OXR1: variants seen among roughly 807,000 people sequenced by gnomAD.
OXR1 encodes oxidation resistance 1.
In OXR1, 41 loss-of-function variants were observed where a neutral mutation model predicts 104.6. The ratio of observed to expected loss-of-function variants is 0.39; its 90% CI spans 0.31 to 0.51. OXR1 has a LOEUF of 0.51. OXR1 is among the 20% of genes least tolerant of loss of function. The probability of loss-of-function intolerance (pLI) is 0.77; values close to 1 mark genes in which losing one functional copy is unlikely to be tolerated. For synonymous variants in OXR1, 348 were observed against 348.4 expected, an observed-to-expected ratio of 1.00 and a Z score of 0.01; for missense variants, 955 against 1,031.9, an observed-to-expected ratio of 0.93 and a Z score of 1.02.
intron 2 of OXR1, among the ~76,000 whole-genome samples, chr8:106,458,246 A>G (rs1175323523): frequency 6.6e-6 from 1 of 152,132 alleles, no homozygotes; most frequent in African/African-American, 2.4e-5. Context: ...TAAAAGCTCA[A>G]TATTTGCTGC....
At chr8:106,284,813 A>T (rs999673206) in intron 1 of OXR1, among the ~76,000 whole-genome samples, 3 of 142,240 alleles carry the variant, frequency 2.1e-5, no homozygotes, top group African/African-American at 8.2e-5. Context: ...TCTTTTTTTA[A>T]AAAAAAAGGC....
chr8:106,728,783 A>C (rs1833590595), intron 11 of OXR1, among the ~76,000 whole-genome samples: 1 of 152,194 alleles, frequency 6.6e-6, no homozygotes, highest in Admixed American at 6.5e-5. Context: ...TGAAATTATA[A>C]GCCCATTTTA....
At chr8:106,339,281 G>T (rs1322583898) in intron 1 of OXR1, among the ~76,000 whole-genome samples, 2 of 151,056 alleles carry the variant, frequency 1.3e-5, no homozygotes, top group East Asian at 2.0e-4. Flanking sequence ...AGATCACAAG[G>T]TCAGGAGATA....
At chr8:106,327,691 T>C (rs1048703607) in intron 1 of OXR1, among the ~76,000 whole-genome samples, 2 of 152,222 alleles carry the variant, frequency 1.3e-5, no homozygotes, top group Non-Finnish European at 2.9e-5. Flanking sequence ...TGGCTTTCTT[T>C]ATAAAAGTTT....
chr8:106,400,616 G>A (rs1259658723), intron 2 of OXR1, among the ~76,000 whole-genome samples: 1 of 152,082 alleles, frequency 6.6e-6, no homozygotes, highest in East Asian at 1.9e-4. Flanking sequence ...TATAGCTAGA[G>A]TTGGCAGATT....
intron 11 of OXR1, among the ~76,000 whole-genome samples, chr8:106,737,081 C>G (rs1353438749): frequency 6.6e-6 from 1 of 152,078 alleles, no homozygotes; most frequent in Non-Finnish European, 1.5e-5. Flanking sequence ...AGAAGAAATT[C>G]TTCCAGCATG....
At chr8:106,613,971 A>G (rs577003013) in intron 3 of OXR1, among the ~76,000 whole-genome samples, 1 of 152,270 alleles carries the variant, frequency 6.6e-6, no homozygotes, top group African/African-American at 2.4e-5. Flanking sequence ...CTCGGGGTGA[A>G]AGTGTTCATT....
chr8:106,595,531 CAA>C (rs1430223424), intron 3 of OXR1, among the ~76,000 whole-genome samples: 1 of 91,948 alleles, frequency 1.1e-5, no homozygotes, highest in East Asian at 3.3e-4. Context: ...GCCTGGGCGA[CAA>C]GAGTGAAACT....
chr8:106,365,976 C>G (rs1284812016), intron 2 of OXR1, among the ~76,000 whole-genome samples: 1 of 152,192 alleles, frequency 6.6e-6, no homozygotes, highest in Non-Finnish European at 1.5e-5. Flanking sequence ...TCAAACCCCA[C>G]AGGGACTAAT....
chr8:106,346,783 T>C (rs1815501139), intron 1 of OXR1, among the ~76,000 whole-genome samples: 1 of 152,164 alleles, frequency 6.6e-6, no homozygotes, highest in South Asian at 2.1e-4. Context: ...CTCACGCTTG[T>C]AATCCCAGCA....
chr8:106,671,978 AAT>A (rs1827041525), intron 3 of OXR1, among the ~76,000 whole-genome samples: 1 of 142,436 alleles, frequency 7.0e-6, no homozygotes, highest in Non-Finnish European at 1.5e-5. Context: ...TAATAATAAT[AAT>A]AATAATAATA....
intron 1 of OXR1, among the ~76,000 whole-genome samples, chr8:106,297,295 C>A (rs1289654180): frequency 6.6e-6 from 1 of 151,090 alleles, no homozygotes; most frequent in Non-Finnish European, 1.5e-5. Flanking sequence ...ATTATTTTTT[C>A]TTGGATTAGA....
intron 1 of OXR1, among the ~76,000 whole-genome samples, chr8:106,353,666 G>T (rs1815834533): frequency 6.6e-6 from 1 of 151,750 alleles, no homozygotes; most frequent in African/African-American, 2.4e-5. Flanking sequence ...TTTGATGTAT[G>T]TATACATTGT....
chr8:106,533,655 C>T (rs1814253104), intron 3 of OXR1, among the ~76,000 whole-genome samples: 4 of 151,336 alleles, frequency 2.6e-5, no homozygotes, highest in Non-Finnish European at 5.9e-5. Flanking sequence ...ATAAATGGCT[C>T]AGGACTTGAA....
Position 106,697,953 on chromosome 8 carries a change from T to C in OXR1, c.676-4953T>C, listed in dbSNP as rs1443257193. On this transcript the variant is annotated intron_variant, in intron 7 of 16. Transcript: ENST00000517566. ...TCTGCTCCAGATCTGCATCATACTG[T>C]TTCTCAATCTTCTGCTGCACCTCCT... 16 of 1,612,496 alleles carry C rather than the reference T, an allele frequency of 9.9e-6. No individual in the cohort carries two copies. In the South Asian group the frequency reaches 1.5e-4, roughly 16 times the overall value.
chr8:106,513,469 A>G (rs530319352), intron 2 of OXR1, among the ~76,000 whole-genome samples: 23 of 152,202 alleles, frequency 1.5e-4, no homozygotes, highest in Admixed American at 1.4e-3. Flanking sequence ...TTGTTTTCTG[A>G]AAGATTTGGG....
intron 3 of OXR1, among the ~76,000 whole-genome samples, chr8:106,563,313 A>T (rs1264891967): frequency 4.7e-5 from 7 of 149,376 alleles, no homozygotes; most frequent in African/African-American, 1.7e-4. Flanking sequence ...AAAAAAAAAA[A>T]AGAAAAAAAA....
At chr8:106,709,894 C>T (rs1315475396) in intron 9 of OXR1, among the ~76,000 whole-genome samples, 1 of 151,904 alleles carries the variant, frequency 6.6e-6, no homozygotes, top group Non-Finnish European at 1.5e-5. Context: ...AGTGGGGTTC[C>T]CATAGATTAT....
intron 3 of OXR1, among the ~76,000 whole-genome samples, chr8:106,549,211 C>G (rs1815610650): frequency 6.6e-6 from 1 of 152,002 alleles, no homozygotes; most frequent in African/African-American, 2.4e-5. Context: ...CCCCCAGGCC[C>G]CCTTGTATTT....
Sources: gnomAD v4.1 joint callset for allele counts (sites outside exome capture counted in the v4.1 genomes callset) on GRCh38, gnomAD v4.1.1 for gene constraint, MANE v1.5 for transcripts, NCBI Gene and HGNC (gene_info 2026-07-23, HGNC 2026-07-21) for gene names.